GPATCH8: variants seen among roughly 807,000 people sequenced by gnomAD.
The protein encoded by GPATCH8 is G patch domain-containing protein 8.
In GPATCH8, 18 loss-of-function variants were observed where a neutral mutation model predicts 118.3. The observed-to-expected ratio is 0.15, with a 90% confidence interval of 0.11 to 0.23. The LOEUF (loss-of-function observed/expected upper bound fraction) is 0.23, where lower values mean the gene tolerates loss of function less well. GPATCH8 is among the 10% of genes least tolerant of loss of function. GPATCH8 has a pLI of 1.00. For missense variants in GPATCH8, 1,631 were observed against 1,873.8 expected, an observed-to-expected ratio of 0.87 and a Z score of 2.39; for synonymous variants, 659 against 684.7, an observed-to-expected ratio of 0.96 and a Z score of 0.59.
At chr17:44,463,034 A>G (rs1430519452) in intron 3 of GPATCH8, among the ~76,000 whole-genome samples, 1 of 151,616 alleles carries the variant, frequency 6.6e-6, no homozygotes, top group Non-Finnish European at 1.5e-5. Flanking sequence ...GAAACATCCT[A>G]TTTCAAGCCC....
chr17:44,483,217 A>G (rs1355426637), intron 1 of GPATCH8, among the ~76,000 whole-genome samples: 1 of 96,698 alleles, frequency 1.0e-5, no homozygotes, highest in Non-Finnish European at 2.0e-5. Flanking sequence ...ATATATATAT[A>G]CAGCCTACCT....
chr17:44,497,169 C>T (rs1393252973), intron 1 of GPATCH8, among the ~76,000 whole-genome samples: 1 of 152,210 alleles, frequency 6.6e-6, no homozygotes, highest in Non-Finnish European at 1.5e-5. Flanking sequence ...AATCTATCTA[C>T]TTCAAGCTAG....
chr17:44,402,188 C>T (rs1017634700), intron 7 of GPATCH8, among the ~76,000 whole-genome samples: 12 of 151,006 alleles, frequency 7.9e-5, no homozygotes, highest in Admixed American at 4.0e-4. Context: ...GCTGTGGTGG[C>T]GGGCGTCTGT....
chr17:44,464,377 A>G, intron 3 of GPATCH8, 95 bp downstream of exon 3: 1 of 822,940 alleles, frequency 1.2e-6, no homozygotes, highest in Non-Finnish European at 2.2e-6. Flanking sequence ...GAGAAACCCA[A>G]GTACTTTTTT....
At chr17:44,481,166 C>T (rs1329648286) in intron 1 of GPATCH8, among the ~76,000 whole-genome samples, 6 of 152,288 alleles carry the variant, frequency 3.9e-5, no homozygotes, top group Admixed American at 3.9e-4. Flanking sequence ...CTTAGCCTCC[C>T]GAAGTGCTGG....
chr17:44,502,020 T>C (rs563538572), intron 1 of GPATCH8, among the ~76,000 whole-genome samples: 4 of 152,234 alleles, frequency 2.6e-5, no homozygotes, highest in East Asian at 3.9e-4. Flanking sequence ...CCTTAGAACA[T>C]CCTGAGACTC....
intron 5 of GPATCH8, among the ~76,000 whole-genome samples, chr17:44,431,446 C>T (rs902572968): frequency 3.5e-5 from 5 of 144,854 alleles, no homozygotes; most frequent in African/African-American, 1.3e-4. Context: ...CTAAAGGAGA[C>T]AGAAATGTGA....
At chr17:44,404,911 G>A (rs2049161068) in intron 7 of GPATCH8, among the ~76,000 whole-genome samples, 2 of 152,120 alleles carry the variant, frequency 1.3e-5, no homozygotes. Flanking sequence ...GATACTAGAA[G>A]CTGGGAAGGG....
chr17:44,463,378 AT>A (rs1349378481), intron 3 of GPATCH8, among the ~76,000 whole-genome samples: 1 of 152,136 alleles, frequency 6.6e-6, no homozygotes, highest in Non-Finnish European at 1.5e-5. Flanking sequence ...AGGCACAACG[AT>A]TCCCGTAATT....
chr17:44,501,472 A>G (rs959267661), intron 1 of GPATCH8, among the ~76,000 whole-genome samples: 1 of 152,142 alleles, frequency 6.6e-6, no homozygotes, highest in Non-Finnish European at 1.5e-5. Flanking sequence ...TGGTTCTTTC[A>G]ACATATAAGC....
chr17:44,415,409 C>T (rs1294620374), intron 6 of GPATCH8, among the ~76,000 whole-genome samples: 2 of 152,156 alleles, frequency 1.3e-5, no homozygotes, highest in African/African-American at 2.4e-5. Flanking sequence ...ACTGCTTGAG[C>T]ATCCCAAATC....
At chr17:44,442,771 C>A (rs2050746471) in intron 3 of GPATCH8, among the ~76,000 whole-genome samples, 3 of 152,128 alleles carry the variant, frequency 2.0e-5, no homozygotes, top group Admixed American at 2.0e-4. Context: ...GCCTAAAATC[C>A]ACTTTCAAAA....
At chr17:44,470,445 C>A (rs1198162243) in intron 2 of GPATCH8, among the ~76,000 whole-genome samples, 1 of 149,392 alleles carries the variant, frequency 6.7e-6, no homozygotes, top group South Asian at 2.1e-4. Flanking sequence ...CCACCCACCT[C>A]GGCCTCCCAA....
At chr17:44,451,664 T>C (rs1005549945) in intron 3 of GPATCH8, among the ~76,000 whole-genome samples, 1 of 152,190 alleles carries the variant, frequency 6.6e-6, no homozygotes, top group Non-Finnish European at 1.5e-5. Flanking sequence ...CCAATTTCCA[T>C]CCCTAAATAT....
chr17:44,407,916 C>CA (rs1246955156), intron 6 of GPATCH8, among the ~76,000 whole-genome samples: 1 of 152,090 alleles, frequency 6.6e-6, no homozygotes, highest in Non-Finnish European at 1.5e-5. Flanking sequence ...CTCGGCCTCC[C>CA]AAAGTGCTGG....
chr17:44,428,904 G>A (rs1189052825), intron 5 of GPATCH8, among the ~76,000 whole-genome samples: 1 of 152,118 alleles, frequency 6.6e-6, no homozygotes, highest in Non-Finnish European at 1.5e-5. Flanking sequence ...CACTGTGGGA[G>A]GCCGAGGTGG....
At position 44,419,660 on chromosome 17, in the gene GPATCH8, T is replaced by G. The variant is rs981222986; in HGVS notation, c.492+4689A>C. 8.0e-4 allele frequency among the ~76,000 whole-genome samples: 112 copies of G among 140,600 alleles called. 1 individual carries two copies. Among genetic ancestry groups the G allele is most frequent in the Admixed American group, 1.4e-3 (20 of 14,382 alleles). The allele number at this position is 140,600 out of a possible 152,430, so 92.2% of individuals were successfully genotyped here. On this transcript the variant is annotated intron_variant, in intron 6 of 7. Transcript: ENST00000591680. The stretch of plus-strand genomic sequence containing the variant: ...TGTGCGTGTCACCACATCAGGGTAA[T>G]TTTTTTTTTTTTTTTAGAGAGACAG...
chr17:44,463,159 G>A (rs1002422780), intron 3 of GPATCH8, among the ~76,000 whole-genome samples: 5 of 151,888 alleles, frequency 3.3e-5, no homozygotes, highest in African/African-American at 1.2e-4. Flanking sequence ...GCCTCAAACA[G>A]TCCTCCTGCC....
At chr17:44,427,366 G>T (rs2050127516) in intron 5 of GPATCH8, among the ~76,000 whole-genome samples, 1 of 151,848 alleles carries the variant, frequency 6.6e-6, no homozygotes, top group African/African-American at 2.4e-5. Context: ...AACACTGTTT[G>T]CACAACCACT....
Sources: allele counts gnomAD v4.1 joint callset (sites outside exome capture counted in the v4.1 genomes callset), GRCh38; gene constraint gnomAD v4.1.1; transcripts MANE v1.5; gene names NCBI Gene and HGNC (gene_info 2026-07-23, HGNC 2026-07-21).